Variants in TTBK1 observed in about 807,000 individuals in gnomAD.
TTBK1 encodes the protein tau tubulin kinase 1.
A neutral mutation model predicts 108.5 loss-of-function variants in TTBK1; 34 were observed. The ratio of observed to expected loss-of-function variants is 0.31; its 90% CI spans 0.24 to 0.42. The LOEUF is 0.42. TTBK1 is among the 10% of genes least tolerant of loss of function. TTBK1 has a pLI of 1.00. For synonymous variants in TTBK1, 809 were observed against 795.1 expected (o/e 1.02, Z -0.29); for missense variants, 1,539 against 1,826.0 (o/e 0.84, Z 2.86).
rs544721818 is a variant in TTBK1 at position 43,243,963 on chromosome 6, C to T, written c.-55+255C>T. ...TTGCTCCTCCCCACTCACCTCCGTCCCCTGTCCCCATGGCTTCACCCCTGG... is the reference window on the plus strand; with the variant it reads ...TTGCTCCTCCCCACTCACCTCCGTCTCCTGTCCCCATGGCTTCACCCCTGG... On this transcript the variant is annotated intron_variant, in intron 1 of 14. Transcript: ENST00000259750. The surrounding 1 kb of genome is among the most constrained non-coding windows in gnomAD (Gnocchi z 5.5). Among the ~76,000 whole-genome samples, 18 of 152,266 alleles carry T rather than the reference C, an allele frequency of 1.2e-4. No homozygotes were observed. Among genetic ancestry groups the T allele is most frequent in the Non-Finnish European group, 2.1e-4 (14 of 67,996 alleles).
rs932423891 is a variant in TTBK1, at chr6:43,243,747, C to CTCCTTCGT, written c.-55+40_-55+47dup. 6.6e-6 allele frequency: 1 copy of CTCCTTCGT among 151,360 alleles called. No homozygotes were observed. The highest frequency in any genetic ancestry group is 1.5e-5 in the Non-Finnish European group (1 of 67,334). The allele number at this position is 151,360 out of a possible 1,614,324, so 9.4% of individuals were successfully genotyped here. The stretch of plus-strand genomic sequence containing the variant: ...GGGCGGGCCGGGGTCGGGGCGGGGG[C>CTCCTTCGT]TCCTTCGTGGGCTCAGGGGGCTCCG... On this transcript the variant is annotated intron_variant, in intron 1 of 14. Transcript: ENST00000259750. The surrounding 1 kb of genome is among the most constrained non-coding windows in gnomAD (Gnocchi z 5.5).
chr6:43,261,896 G>A (rs576887493), intron 12 of TTBK1, among the ~76,000 whole-genome samples: 1 of 151,962 alleles, frequency 6.6e-6, no homozygotes, highest in African/African-American at 2.4e-5. Flanking sequence ...ATGGGACCCA[G>A]GCCCTGCGCA....
intron 2 of TTBK1, among the ~76,000 whole-genome samples, chr6:43,248,580 G>A (rs1244307771): frequency 2.0e-5 from 3 of 152,120 alleles, no homozygotes; most frequent in Admixed American, 6.6e-5. Context: ...AAAATTAGCC[G>A]GGTGTGGCAG....
Position 43,255,830 on chromosome 6 carries a change from G to A in TTBK1, c.835G>A (p.Asp279Asn), listed in dbSNP as rs751541280. The part of the protein sequence containing the change: ...HLFLDHIASL[D>N]YFTKPDYQLI... The stretch of plus-strand genomic sequence containing the variant: ...CTTCCTGGACCACATTGCCAGCCTC[G>A]ACTACTTCACCAAGCCCGACTACCA... The change falls in exon 9 of 15, where the codon GAC becomes AAC. Residue 279 changes from aspartate (D) to asparagine (N), a missense_variant. By Grantham distance (23) the Asp-to-Asn change is conservative. This residue lies in a region of TTBK1 where 155 missense variants were observed against 348.5 expected (regional missense o/e 0.44). Transcript: ENST00000259750. The A allele has an allele frequency of 8.9e-5, 144 of 1,613,888 alleles. No individual in the cohort carries two copies. Among genetic ancestry groups the A allele is most frequent in the Non-Finnish European group, 1.1e-4 (126 of 1,180,002 alleles).
At chr6:43,277,100 A>G (rs1166124949) in intron 13 of TTBK1, among the ~76,000 whole-genome samples, 3 of 152,204 alleles carry the variant, frequency 2.0e-5, no homozygotes, top group Admixed American at 1.3e-4. Flanking sequence ...TGGTGGGACT[A>G]GAAAGCTAGG....
chr6:43,247,255 G>T (rs1406363425), intron 2 of TTBK1, among the ~76,000 whole-genome samples: 1 of 152,140 alleles, frequency 6.6e-6, no homozygotes, highest in African/African-American at 2.4e-5. Context: ...TCCTCCCCTC[G>T]CCGGGTCCTG....
At chr6:43,250,174 G>A (rs1436574374) in intron 2 of TTBK1, among the ~76,000 whole-genome samples, 1 of 152,114 alleles carries the variant, frequency 6.6e-6, no homozygotes, top group Non-Finnish European at 1.5e-5. Flanking sequence ...TGTCATAAAT[G>A]TCTTGGCTGT....
Position 43,285,589 on chromosome 6 carries a change from G to A in TTBK1, c.*213G>A. On this transcript the variant is annotated 3_prime_UTR_variant, in exon 15 of 15. Coordinates refer to ENST00000259750, the MANE Select transcript of TTBK1 (RefSeq NM_032538.3). This position sits in a 1 kb window ranked among gnomAD's most constrained non-coding sequence, Gnocchi z 4.7. ...TGGGGGACGCGGCCCCGCGCCGCGG[G>A]GAGGGTCTGCCTCCCCTTCCTCGCC... 2 of 497,808 alleles carry A rather than the reference G, an allele frequency of 4.0e-6. No homozygotes were observed. Among genetic ancestry groups the A allele is most frequent in the Non-Finnish European group, 6.0e-6 (2 of 331,948 alleles). The allele number at this position is 497,808 out of a possible 1,614,324, so 30.8% of individuals were successfully genotyped here. A position where few individuals can be genotyped will look rare whatever the true frequency, so the allele number is the denominator to read the frequency against.
Position 43,265,820 on chromosome 6 carries a change from C to G in TTBK1, c.1986+2470C>G, listed in dbSNP as rs558025235. On this transcript the variant is annotated intron_variant, in intron 13 of 14. Transcript: ENST00000259750. This position sits in a 1 kb window ranked among gnomAD's most constrained non-coding sequence, Gnocchi z 4.1. ...CTGGACCTGGCTCTGCCGTTCCCTT[C>G]CCAGTGACTGAGGGCCAGTCAGTGT... 5.3e-5 allele frequency among the ~76,000 whole-genome samples: 8 copies of G among 152,112 alleles called. No homozygotes were observed. The highest frequency in any genetic ancestry group is 1.2e-4 in the Non-Finnish European group (8 of 68,024).
Position 43,276,507 on chromosome 6 carries a change from A to G in TTBK1, c.1987-6220A>G, listed in dbSNP as rs1055937552. On this transcript the variant is annotated intron_variant, in intron 13 of 14. Transcript: ENST00000259750. The surrounding 1 kb of genome is among the most constrained non-coding windows in gnomAD (Gnocchi z 5.4). ...GGGGGTGGGACACGGACACGCACCC[A>G]CGCGCACACGGCCGCGCACGGGCGG... 6.6e-6 allele frequency among the ~76,000 whole-genome samples: 1 copy of G among 152,060 alleles called. No individual in the cohort carries two copies. The highest frequency in any genetic ancestry group is 1.5e-5 in the Non-Finnish European group (1 of 67,988).
Position 43,263,312 on chromosome 6 carries a change from C to G in TTBK1, c.1948C>G (p.Arg650Gly). Residue 650 changes from arginine (R) to glycine (G), a missense_variant, in exon 13 of 15, where the codon CGA becomes GGA. Physicochemically the swap from Arg to Gly is moderately radical, Grantham distance 125 (BLOSUM62 -2). Transcript: ENST00000259750. The surrounding 1 kb of genome is among the most constrained non-coding windows in gnomAD (Gnocchi z 4.7). ...HSPLHSGPRP[R>G]RRESDPTGPQ... ...ACCCCTGCACTCGGGACCCCGCCCT[C>G]GACGGAGAGAGTCGGACCCCACAGG... 1 of 1,482,022 alleles carries G rather than the reference C, an allele frequency of 6.7e-7. No homozygotes were observed. The highest frequency in any genetic ancestry group is 9.0e-7 in the Non-Finnish European group (1 of 1,113,358). The allele number at this position is 1,482,022 out of a possible 1,614,324, so 91.8% of individuals were successfully genotyped here. A position where few individuals can be genotyped will look rare whatever the true frequency, so the allele number is the denominator to read the frequency against.
chr6:43,267,006 T>C (rs998345003), intron 13 of TTBK1, among the ~76,000 whole-genome samples: 1 of 58,246 alleles, frequency 1.7e-5, no homozygotes, highest in Non-Finnish European at 3.3e-5. Flanking sequence ...TGCGTGTGTG[T>C]GTGTGTGTGT....
intron 1 of TTBK1, among the ~76,000 whole-genome samples, chr6:43,245,918 A>C (rs1047610994): frequency 1.1e-4 from 17 of 152,088 alleles, no homozygotes; most frequent in African/African-American, 4.1e-4. Context: ...GTCTATCTGA[A>C]ATCCATGTCT....
intron 12 of TTBK1, among the ~76,000 whole-genome samples, chr6:43,261,808 CAAAAAAAAAAAA>C (rs11409412): frequency 1.2e-5 from 1 of 86,078 alleles, no homozygotes; most frequent in African/African-American, 4.6e-5. Context: ...GATTCTGTCT[CAAAAAAAAAAAA>C]AAAAAAAAAG....
Position 43,283,663 on chromosome 6 carries a change from G to A in TTBK1, c.2923G>A (p.Ala975Thr), listed in dbSNP as rs753609460. ...TGATGGGGGCGCTGTGGAGGAGGGG[G>A]CCCGAGCGCCCCTGGAGAACGGCCT... ...ASDGGAVEEG[A>T]RAPLENGLAL... The change falls in exon 14 of 15, where the codon GCC becomes ACC. Residue 975 changes from alanine (A) to threonine (T), a missense_variant. By Grantham distance (58) the Ala-to-Thr change is moderately conservative. Coordinates refer to ENST00000259750, the MANE Select transcript of TTBK1 (RefSeq NM_032538.3). The surrounding 1 kb of genome is among the most constrained non-coding windows in gnomAD (Gnocchi z 8.1). 33 of 1,613,938 alleles carry A rather than the reference G, an allele frequency of 2.0e-5. 2 individuals carry two copies. In the South Asian group the frequency reaches 3.5e-4, roughly 17 times the overall value.
intron 6 of TTBK1, 118 bp from the exon 7 acceptor site, chr6:43,254,931 C>T (rs1047625988): frequency 1.9e-6 from 2 of 1,037,132 alleles, no homozygotes; most frequent in African/African-American, 1.6e-5. Context: ...AGAGAGCAGG[C>T]CCACCTCCCC....
chr6:43,264,814 G>A (rs1315611626), intron 13 of TTBK1, among the ~76,000 whole-genome samples: 1 of 152,176 alleles, frequency 6.6e-6, no homozygotes, highest in African/African-American at 2.4e-5. Flanking sequence ...GTGGAGCCAA[G>A]GCGAGAGAGA....
At position 43,259,068 on chromosome 6, in the gene TTBK1, C is replaced by A; in HGVS notation, c.1047C>A (p.Asp349Glu). ...TCAATGTGACGCCAGTGCCTGGGGA[C>A]CTGCTCCGGGAGAACACCGAGGATG... ...GVVNVTPVPG[D>E]LLRENTEDVL... The change falls in exon 11 of 15, where the codon GAC becomes GAA. Residue 349 changes from aspartate (D) to glutamate (E), a missense_variant. Physicochemically the swap from Asp to Glu is conservative, Grantham distance 45 (BLOSUM62 2). Coordinates refer to ENST00000259750, the MANE Select transcript of TTBK1 (RefSeq NM_032538.3). The surrounding 1 kb of genome is among the most constrained non-coding windows in gnomAD (Gnocchi z 6.7). 1 of 1,613,638 alleles carries A rather than the reference C, an allele frequency of 6.2e-7. No individual in the cohort carries two copies. Among genetic ancestry groups the A allele is most frequent in the Non-Finnish European group, 8.5e-7 (1 of 1,179,724 alleles).
At position 43,270,930 on chromosome 6, in the gene TTBK1, C is replaced by T. The variant is rs566412327; in HGVS notation, c.1986+7580C>T. On this transcript the variant is annotated intron_variant, in intron 13 of 14. Coordinates refer to ENST00000259750, the MANE Select transcript of TTBK1 (RefSeq NM_032538.3). ...AAGGTGACTCCTTCCTGTAGGTGCTCGGTCAGCCCCAAGGGCGGTGGTGAA... is the reference window on the plus strand; with the variant it reads ...AAGGTGACTCCTTCCTGTAGGTGCTTGGTCAGCCCCAAGGGCGGTGGTGAA... The T allele has an allele frequency of 1.8e-5, 18 of 985,494 alleles. No homozygotes were observed. The South Asian group carries it at 4.2e-4, about 23-fold the overall frequency. 61.0% of individuals were successfully genotyped at this position (985,494 alleles called of 1,614,324 possible). A position where few individuals can be genotyped will look rare whatever the true frequency, so the allele number is the denominator to read the frequency against.
Sources: gnomAD v4.1 joint callset for allele counts (sites outside exome capture counted in the v4.1 genomes callset) on GRCh38, gnomAD v4.1.1 for gene constraint, gnomAD v4.1.1 regional missense constraint, Gnocchi (gnomAD v3.1) non-coding constraint, MANE v1.5 for transcripts, NCBI Gene and HGNC (gene_info 2026-07-23, HGNC 2026-07-21) for gene names.